The following DDB2 variants were observed in gnomAD, a reference collection of about 807,000 sequenced individuals.
The protein encoded by DDB2 is DNA damage-binding protein 2.
In DDB2, 27 loss-of-function variants were observed where a neutral mutation model predicts 50.5. The ratio of observed to expected loss-of-function variants is 0.53; its 90% CI spans 0.39 to 0.74. The LOEUF is 0.74. DDB2 is among the 30% of genes least tolerant of loss of function. DDB2 has a pLI of 0.00. For synonymous variants in DDB2, 176 were observed against 205.5 expected, an observed-to-expected ratio of 0.86 and a Z score of 1.23; for missense variants, 424 against 545.6, an observed-to-expected ratio of 0.78 and a Z score of 2.22.
intron 3 of DDB2, among the ~76,000 whole-genome samples, chr11:47,231,119 CAAAAAAAAAAA>C (rs139290057): frequency 1.2e-4 from 7 of 58,366 alleles, no homozygotes; most frequent in African/African-American, 2.6e-4. Context: ...GCCTTCATCT[CAAAAAAAAAAA>C]AAAAAAAAAA....
At chr11:47,238,679 T>G in intron 9 of DDB2, 121 bp from the exon 10 acceptor site, 4 of 1,057,932 alleles carry the variant, frequency 3.8e-6, no homozygotes, top group Non-Finnish European at 5.7e-6. Context: ...ATTACAGACT[T>G]GAGCCACCGC....
intron 7 of DDB2, among the ~76,000 whole-genome samples, chr11:47,236,369 C>G (rs1480684544): frequency 6.6e-6 from 1 of 152,176 alleles, no homozygotes; most frequent in Non-Finnish European, 1.5e-5. Context: ...GCTTTCAAGT[C>G]CTTTGATGCC....
At chr11:47,225,026 A>C (rs1590993699) in intron 3 of DDB2, among the ~76,000 whole-genome samples, 1 of 150,450 alleles carries the variant, frequency 6.6e-6, no homozygotes, top group South Asian at 2.1e-4. Flanking sequence ...TGCAACCTCC[A>C]CCTCCCAGGT....
intron 3 of DDB2, among the ~76,000 whole-genome samples, chr11:47,223,449 C>T (rs1953514519): frequency 6.6e-6 from 1 of 151,062 alleles, no homozygotes; most frequent in East Asian, 2.0e-4. Flanking sequence ...TGTCACTGCA[C>T]TCCATTCTGG....
chr11:47,238,195 G>A lies in DDB2; in HGVS notation c.1234+12G>A, dbSNP rs368963928. ...GGCCTCTGCAATGGGTGAGTAGGAG[G>A]AGAATGTCTCTGACTTGCCAAGTCC... On this transcript the variant is annotated intron_variant, in intron 9 of 9. Transcript: ENST00000256996. 6.8e-6 allele frequency: 11 copies of A among 1,606,368 alleles called. No homozygotes were observed. The African/African-American group carries it at 1.3e-4, about 20-fold the overall frequency.
At chr11:47,231,971 A>G (rs1238698382) in intron 3 of DDB2, among the ~76,000 whole-genome samples, 1 of 152,128 alleles carries the variant, frequency 6.6e-6, no homozygotes, top group African/African-American at 2.4e-5. Flanking sequence ...AAGTCTATAC[A>G]TATGTTAAAA....
chr11:47,237,832 C>T lies in DDB2; in HGVS notation c.1024-5C>T. 6.2e-7 allele frequency: 1 copy of T among 1,614,098 alleles called. No individual in the cohort carries two copies. Among genetic ancestry groups the T allele is most frequent in the Middle Eastern group, 1.6e-4 (1 of 6,062 alleles). On this transcript the variant is annotated splice_polypyrimidine_tract_variant and splice_region_variant and intron_variant, in intron 7 of 9. Coordinates refer to ENST00000256996, the MANE Select transcript of DDB2 (RefSeq NM_000107.3). The stretch of plus-strand genomic sequence containing the variant: ...ACCCTCATGGCCGGCCTCTCCATCT[C>T]CTAGGCAGCCTGGCATCCTCGCTAC...
In DDB2 at chr11:47,230,753, G is replaced by A. The variant is rs4647732; in HGVS notation, c.457-2061G>A. Among the ~76,000 whole-genome samples, 965 of 152,270 alleles carry A rather than the reference G, an allele frequency of 6.3e-3. 10 individuals carry two copies. Among genetic ancestry groups the A allele is most frequent in the African/African-American group, 0.021 (883 of 41,562 alleles). On this transcript the variant is annotated intron_variant, in intron 3 of 9. Coordinates refer to ENST00000256996, the MANE Select transcript of DDB2 (RefSeq NM_000107.3). ...TCTGTGAGGCTGGGATAGCTGCAGC[G>A]TAAAGAAGAAGTGGAAAAGGTGGAG...
intron 3 of DDB2, among the ~76,000 whole-genome samples, chr11:47,221,214 AAAAT>A (rs768902161): frequency 2.0e-5 from 3 of 152,110 alleles, no homozygotes; most frequent in Non-Finnish European, 4.4e-5. Context: ...AAAAGTGTAA[AAAAT>A]AAATTAAATA....
chr11:47,233,811 G>A (rs1165702727), intron 4 of DDB2, among the ~76,000 whole-genome samples: 1 of 152,152 alleles, frequency 6.6e-6, no homozygotes, highest in African/African-American at 2.4e-5. Context: ...GTGCTGGGGT[G>A]TAACTAGCAT....
chr11:47,221,467 C>CA (rs1953484166), intron 3 of DDB2, among the ~76,000 whole-genome samples: 1 of 151,908 alleles, frequency 6.6e-6, no homozygotes, highest in African/African-American at 2.4e-5. Context: ...TTTTTTAAGA[C>CA]AGAGTTTCAC....
intron 3 of DDB2, among the ~76,000 whole-genome samples, chr11:47,217,639 C>T (rs1270762173): frequency 6.6e-6 from 1 of 152,052 alleles, no homozygotes; most frequent in Non-Finnish European, 1.5e-5. Flanking sequence ...GGCCTGTAAT[C>T]CTAGCACTTT....
At chr11:47,224,761 TTC>T (rs141514762) in intron 3 of DDB2, among the ~76,000 whole-genome samples, 4,868 of 142,866 alleles carry the variant, frequency 0.034, 113 homozygotes, top group South Asian at 0.13. Context: ...CTTCGTTCCT[TTC>T]TCTCTCTTCT....
At chr11:47,214,743 A>G (rs3758666), upstream of DDB2, 223,492 of 321,550 alleles carry the variant, frequency 0.7, 79,933 homozygotes, top group Middle Eastern at 0.76. Flanking sequence ...TGCCCTCCAG[A>G]GTGAGCGACA....
At chr11:47,238,302 A>C (rs992548240) in intron 9 of DDB2, 119 bp downstream of exon 9, 6 of 928,370 alleles carry the variant, frequency 6.5e-6, no homozygotes, top group Admixed American at 2.0e-5. Context: ...CCCACGAAGA[A>C]GATGGCTGGG....
rs764369485 is a variant in DDB2, at chr11:47,220,754, T to C, written c.456+3705T>C. 3.3e-5 allele frequency: 5 copies of C among 152,226 alleles called. No individual in the cohort carries two copies. The East Asian group carries it at 5.8e-4, about 18-fold the overall frequency. 9.4% of individuals were successfully genotyped at this position (152,226 alleles called of 1,614,324 possible). On this transcript the variant is annotated intron_variant, in intron 3 of 9. Coordinates refer to ENST00000256996, the MANE Select transcript of DDB2 (RefSeq NM_000107.3). ...GAGCAACAGTGCCTCATTTTGTCAC[T>C]TCTTTAGTCATCTGACCTTGGCTGT...
chr11:47,233,040 A>G, intron 4 of DDB2, 81 bp downstream of exon 4: 2 of 1,490,874 alleles, frequency 1.3e-6, no homozygotes, highest in Non-Finnish European at 1.9e-6. Flanking sequence ...CCATTTCCTT[A>G]ACCCAACCTG....
chr11:47,218,578 T>C (rs1457947780), intron 3 of DDB2, among the ~76,000 whole-genome samples: 2 of 152,174 alleles, frequency 1.3e-5, no homozygotes, highest in African/African-American at 2.4e-5. Flanking sequence ...ATGGTCTTTG[T>C]TGTGCTAGAG....
At chr11:47,235,926 CT>C (rs10677833) in intron 7 of DDB2, 12 of 61,844 alleles carry the variant, frequency 1.9e-4, no homozygotes, top group East Asian at 1.7e-3. Context: ...CAGGCTGATC[CT>C]TTTTTTTTTT....
Sources: gnomAD v4.1 joint callset for allele counts (sites outside exome capture counted in the v4.1 genomes callset) on GRCh38, gnomAD v4.1.1 for gene constraint, MANE v1.5 for transcripts, NCBI Gene and HGNC (gene_info 2026-07-23, HGNC 2026-07-21) for gene names.